HNRNPK: variants seen among roughly 807,000 people sequenced by gnomAD.
HNRNPK encodes heterogeneous nuclear ribonucleoprotein K.
A neutral mutation model predicts 67.0 loss-of-function variants in HNRNPK; 7 were observed. The ratio of observed to expected loss-of-function variants is 0.10; its 90% CI spans 0.06 to 0.20. The LOEUF is 0.20. Ranked by LOEUF, HNRNPK falls within the 10% of genes least tolerant of loss-of-function variation. The pLI is 1.00. For synonymous variants in HNRNPK, 213 were observed against 193.7 expected (o/e 1.10, Z -0.83); for missense variants, 264 against 606.5 (o/e 0.44, Z 5.93).
At chr9:83,973,179 A>T in intron 9 of HNRNPK, 107 bp downstream of exon 9, 1 of 805,022 alleles carries the variant, frequency 1.2e-6, no homozygotes, top group Non-Finnish European at 2.1e-6. Flanking sequence ...TGCGATAAGC[A>T]ATCTTTGGAG....
In HNRNPK at chr9:83,977,923, G is replaced by C. The variant is rs1957144552; in HGVS notation, c.59-137C>G. The C allele has an allele frequency of 1.3e-5, 8 of 621,850 alleles. No homozygotes were observed. In the South Asian group the frequency reaches 1.6e-4, roughly 13 times the overall value. The allele number at this position is 621,850 out of a possible 1,614,324, so 38.5% of individuals were successfully genotyped here. On this transcript the variant is annotated intron_variant, in intron 3 of 16. Coordinates refer to ENST00000376263, the MANE Select transcript of HNRNPK (RefSeq NM_031263.4). ...GCATTGCTACAGACTTGAACGTTAT[G>C]CTTCCATCTAGTAAAATGCACCAAA...
chr9:83,978,047 A>C (rs1174967524), intron 3 of HNRNPK, 148 bp downstream of exon 3: 3 of 624,604 alleles, frequency 4.8e-6, no homozygotes, highest in Admixed American at 3.2e-5. Flanking sequence ...TCATAAATAA[A>C]AGCTAAGATG....
In HNRNPK at chr9:83,971,067, T is replaced by C. The variant is rs911167301; in HGVS notation, c.1093-155A>G. ...AGTGATCCTCCTGCCTCAGACTCTTTTGTAGTTGGGATTATGAGTGAGCAC... is the reference window on the plus strand; with the variant it reads ...AGTGATCCTCCTGCCTCAGACTCTTCTGTAGTTGGGATTATGAGTGAGCAC... On this transcript the variant is annotated intron_variant, in intron 13 of 16. Transcript: ENST00000376263. The C allele has an allele frequency of 3.8e-6, 3 of 782,294 alleles. No individual in the cohort carries two copies. The African/African-American group carries it at 5.2e-5, about 14-fold the overall frequency. The allele number at this position is 782,294 out of a possible 1,614,324, so 48.5% of individuals were successfully genotyped here. A position where few individuals can be genotyped will look rare whatever the true frequency, so the allele number is the denominator to read the frequency against.
intron 1 of HNRNPK, among the ~76,000 whole-genome samples, chr9:83,979,020 G>A (rs1957216518): frequency 6.6e-6 from 1 of 152,164 alleles, no homozygotes; most frequent in African/African-American, 2.4e-5. Context: ...CGAAACAAAT[G>A]GAGCCCTTGA....
chr9:83,978,933 C>T (rs1210502277), intron 1 of HNRNPK, among the ~76,000 whole-genome samples: 1 of 152,208 alleles, frequency 6.6e-6, no homozygotes, highest in African/African-American at 2.4e-5. Flanking sequence ...CCAGAACAAT[C>T]TACCGGAGGG....
intron 10 of HNRNPK, 175 bp from the exon 11 acceptor site, chr9:83,972,364 A>C: frequency 3.4e-6 from 2 of 580,052 alleles, no homozygotes; most frequent in South Asian, 2.5e-5. Context: ...ATTCCAAAGA[A>C]ATCCAATACT....
chr9:83,975,964 ACT>A (rs1189949547), intron 5 of HNRNPK, among the ~76,000 whole-genome samples: 1 of 152,114 alleles, frequency 6.6e-6, no homozygotes, highest in African/African-American at 2.4e-5. Context: ...ACAAAACCTG[ACT>A]CAAAGTTTAC....
In HNRNPK at chr9:83,973,921, T is replaced by C. The variant is rs1380230923; in HGVS notation, c.383A>G (p.Asp128Gly). 6.2e-7 allele frequency: 1 copy of C among 1,613,634 alleles called. No individual in the cohort carries two copies. The highest frequency in any genetic ancestry group is 1.3e-5 in the African/African-American group (1 of 74,864). The stretch of plus-strand genomic sequence containing the variant: ...ACATACATTTAAGCATTCCACAGCA[T>C]CAGATTCGAGCGGGAGCTGGCTGGT... Reference protein sequence around the residue: ...TATSQLPLESDAVECLNYQHY... With the variant: ...TATSQLPLESGAVECLNYQHY... The change falls in exon 8 of 17, where the codon GAT becomes GGT. Residue 128 changes from aspartate (D) to glycine (G), a missense_variant. This residue lies in a region of HNRNPK where 39 missense variants were observed against 54.4 expected (regional missense o/e 0.72). Transcript: ENST00000376263.
chr9:83,972,285 A>T, intron 10 of HNRNPK, 96 bp from the exon 11 acceptor site: 1 of 918,974 alleles, frequency 1.1e-6, no homozygotes, highest in South Asian at 1.7e-5. Flanking sequence ...AATGTAAGTC[A>T]TTCCCCCATC....
At chr9:83,972,264 T>A (rs911842374) in intron 10 of HNRNPK, 75 bp from the exon 11 acceptor site, 14 of 1,099,028 alleles carry the variant, frequency 1.3e-5, no homozygotes, top group Non-Finnish European at 1.6e-5. Context: ...TCTAACATCA[T>A]CATCAAACAA....
intron 10 of HNRNPK, 45 bp downstream of exon 10, chr9:83,972,799 T>C: frequency 1.3e-6 from 2 of 1,494,594 alleles, no homozygotes; most frequent in Non-Finnish European, 1.8e-6. Context: ...AGGTTATCAC[T>C]TTGTTTCATA....
In HNRNPK at chr9:83,972,196, A is replaced by C. The variant is rs1956876864; in HGVS notation, c.646-7T>G. The C allele has an allele frequency of 3.8e-6, 6 of 1,575,016 alleles. No homozygotes were observed. Among genetic ancestry groups the C allele is most frequent in the Non-Finnish European group, 5.2e-6 (6 of 1,159,304 alleles). ...CACGTCCTTTGATGGGAGACTAAAA[A>C]CAGAGATGGAACAAACTTACAGACT... On this transcript the variant is annotated splice_region_variant and splice_polypyrimidine_tract_variant and intron_variant, in intron 10 of 16. Coordinates refer to ENST00000376263, the MANE Select transcript of HNRNPK (RefSeq NM_031263.4).
chr9:83,980,170 C>CT lies in HNRNPK; in HGVS notation c.-126_-125insA. 1 of 152,542 alleles carries CT rather than the reference C, an allele frequency of 6.6e-6. No homozygotes were observed. Among genetic ancestry groups the CT allele is most frequent in the African/African-American group, 2.4e-5 (1 of 41,588 alleles). The allele number at this position is 152,542 out of a possible 1,614,324, so 9.4% of individuals were successfully genotyped here. A position where few individuals can be genotyped will look rare whatever the true frequency, so the allele number is the denominator to read the frequency against. ...CTCCTCACCGCGCGAGACTGCCGTC[C>CT]CTCCGCTGCCGCGCCGCCTCAGCCG... On this transcript the variant is annotated 5_prime_UTR_variant, in exon 1 of 17. Coordinates refer to ENST00000376263, the MANE Select transcript of HNRNPK (RefSeq NM_031263.4).
Position 83,971,447 on chromosome 9 carries a change from C to A in HNRNPK, c.1009-91G>T. On this transcript the variant is annotated intron_variant, in intron 12 of 16. Transcript: ENST00000376263. Reference sequence around the variant, plus strand: ...GCCTAATTTGCATGTTACATTAAAACAAAAGAGGGTACATATATAGGCAGC... The same window carrying A: ...GCCTAATTTGCATGTTACATTAAAAAAAAAGAGGGTACATATATAGGCAGC... 5.3e-6 allele frequency: 5 copies of A among 945,424 alleles called. No homozygotes were observed. The East Asian group carries it at 7.2e-5, about 14-fold the overall frequency. The allele number at this position is 945,424 out of a possible 1,614,324, so 58.6% of individuals were successfully genotyped here. A position where few individuals can be genotyped will look rare whatever the true frequency, so the allele number is the denominator to read the frequency against.
intron 9 of HNRNPK, 148 bp downstream of exon 9, chr9:83,973,136 CAT>C: frequency 1.4e-6 from 1 of 729,648 alleles, no homozygotes; most frequent in South Asian, 1.8e-5. Flanking sequence ...GACAAAATAA[CAT>C]GTCTAGCAGT....
chr9:83,976,710 C>G, intron 5 of HNRNPK: 1 of 272,322 alleles, frequency 3.7e-6, no homozygotes, highest in East Asian at 6.5e-5. Context: ...TACACTTTGT[C>G]GCTATTTCTA....
chr9:83,974,806 A>G (rs898715516), intron 6 of HNRNPK, among the ~76,000 whole-genome samples: 16 of 152,242 alleles, frequency 1.1e-4, no homozygotes, highest in Non-Finnish European at 1.5e-4. Flanking sequence ...GCAGAGAGAC[A>G]GAGAGAATGG....
chr9:83,970,210 G>A lies in HNRNPK; in HGVS notation c.1313C>T (p.Thr438Ile). The change falls in exon 16 of 17, where the codon ACA (threonine) becomes ATA (isoleucine). Residue 438 changes from threonine to isoleucine, a missense_variant. Around this residue, in one of 6 missense-constraint regions of HNRNPK, gnomAD observed 24 missense variants for 103.3 expected, o/e 0.23. Coordinates refer to ENST00000376263, the MANE Select transcript of HNRNPK (RefSeq NM_031263.4). The stretch of plus-strand genomic sequence containing the variant: ...ATTCTGTATCTGGTCCTGTGTTCCT[G>A]TAATGGTAATGATCCGATCTTCGGA... ...EGSEDRIITI[T>I]GTQDQIQNAQ... 1 of 1,613,420 alleles carries A rather than the reference G, an allele frequency of 6.2e-7. No individual in the cohort carries two copies. The highest frequency in any genetic ancestry group is 1.3e-5 in the African/African-American group (1 of 75,016).
At chr9:83,978,331 T>TAAA (rs55698797) in intron 2 of HNRNPK, 42 bp downstream of exon 2, 85 of 1,271,308 alleles carry the variant, frequency 6.7e-5, no homozygotes, top group Middle Eastern at 3.0e-4. Context: ...AAGCAAGCTG[T>TAAA]AAAAAAAAAA....
Sources: allele counts gnomAD v4.1 joint callset (sites outside exome capture counted in the v4.1 genomes callset), GRCh38; gene constraint gnomAD v4.1.1; regional missense constraint gnomAD v4.1.1; transcripts MANE v1.5; gene names NCBI Gene and HGNC (gene_info 2026-07-23, HGNC 2026-07-21).